NFATC1: variants seen among roughly 807,000 people sequenced by gnomAD.
The protein encoded by NFATC1 is nuclear factor of activated T cells 1, also known as nuclear factor of activated T-cells, cytoplasmic 1.
A neutral mutation model predicts 76.0 loss-of-function variants in NFATC1; 22 were observed. The observed-to-expected ratio is 0.29, with a 90% CI of 0.21 to 0.41. The LOEUF (loss-of-function observed/expected upper bound fraction) is 0.41, where lower values mean the gene tolerates loss of function less well. NFATC1 is among the 10% of genes least tolerant of loss of function. The pLI, the probability that NFATC1 is intolerant of heterozygous loss-of-function variation, is 1.00. For synonymous variants in NFATC1, 704 were observed against 613.1 expected, an observed-to-expected ratio of 1.15 and a Z score of -2.19; for missense variants, 1,357 against 1,337.7, an observed-to-expected ratio of 1.01 and a Z score of -0.23.
chr18:79,414,427 C>G (rs58936612), intron 2 of NFATC1, among the ~76,000 whole-genome samples: 1 of 152,146 alleles, frequency 6.6e-6, no homozygotes, highest in African/African-American at 2.4e-5. Flanking sequence ...TCCCAGGGAC[C>G]GTCTAGGATT....
At chr18:79,403,319 G>T (rs977205237) in intron 1 of NFATC1, among the ~76,000 whole-genome samples, 1 of 152,290 alleles carries the variant, frequency 6.6e-6, no homozygotes, top group African/African-American at 2.4e-5. Context: ...GTAACCATTT[G>T]TTGGGACAAT....
chr18:79,482,898 C>T (rs2089343328), intron 8 of NFATC1, among the ~76,000 whole-genome samples: 1 of 133,376 alleles, frequency 7.5e-6, no homozygotes. Flanking sequence ...CTCATTCCAG[C>T]GTGACCTGGT....
At chr18:79,509,548 C>T (rs1292159340) in intron 9 of NFATC1, among the ~76,000 whole-genome samples, 1 of 152,284 alleles carries the variant, frequency 6.6e-6, no homozygotes, top group Non-Finnish European at 1.5e-5. Flanking sequence ...ATGCAATGCT[C>T]CCCTGCCTAG....
At chr18:79,436,992 C>A (rs1339162060) in intron 3 of NFATC1, among the ~76,000 whole-genome samples, 2 of 152,204 alleles carry the variant, frequency 1.3e-5, no homozygotes, top group Non-Finnish European at 2.9e-5. Flanking sequence ...CCCATTACGG[C>A]TGCCACGGCG....
chr18:79,463,861 A>AGCCGCTGGCCTGCCCT (rs1405108512), intron 7 of NFATC1, among the ~76,000 whole-genome samples: 25 of 152,250 alleles, frequency 1.6e-4, no homozygotes, highest in African/African-American at 5.8e-4. Flanking sequence ...TGGGCTGCCC[A>AGCCGCTGGCCTGCCCT]GCCGCTGGCC....
chr18:79,465,148 C>T lies in NFATC1; in HGVS notation c.1960-2302C>T, dbSNP rs1481466071. Among the ~76,000 whole-genome samples the T allele has an allele frequency of 2.6e-5, 4 of 152,164 alleles. No homozygotes were observed. Among genetic ancestry groups the T allele is most frequent in the Admixed American group, 6.5e-5 (1 of 15,282 alleles). On this transcript the variant is annotated intron_variant, in intron 7 of 9. Transcript: ENST00000427363. This position sits in a 1 kb window ranked among gnomAD's most constrained non-coding sequence, Gnocchi z 4.2. ...TGCCATTTGGAACCCGTATTTTTTCCGGTACAGACGAGTTTCCCTCTCCCT... is the reference window on the plus strand; with the variant it reads ...TGCCATTTGGAACCCGTATTTTTTCTGGTACAGACGAGTTTCCCTCTCCCT...
intron 9 of NFATC1, among the ~76,000 whole-genome samples, chr18:79,489,346 G>C (rs918322572): frequency 2.6e-5 from 4 of 152,230 alleles, no homozygotes; most frequent in African/African-American, 9.6e-5. Flanking sequence ...GCTGAGGCCA[G>C]AGTGCATCTG....
At position 79,420,123 on chromosome 18, in the gene NFATC1, C is replaced by T. The variant is rs565275341; in HGVS notation, c.1226+8622C>T. 9.2e-5 allele frequency among the ~76,000 whole-genome samples: 14 copies of T among 152,288 alleles called. No individual in the cohort carries two copies. In the South Asian group the frequency reaches 2.9e-3, roughly 32 times the overall value. ...TGGCCTGCATGCTGCGTTCCATCAG[C>T]ACTGGGCTGTGCGACAGATGTGTTT... is the stretch of plus-strand genomic sequence containing the variant. On this transcript the variant is annotated intron_variant, in intron 2 of 9. Coordinates refer to ENST00000427363, the MANE Select transcript of NFATC1 (RefSeq NM_001278669.2).
At chr18:79,464,680 G>A (rs1206109636) in intron 7 of NFATC1, among the ~76,000 whole-genome samples, 7,708 of 95,526 alleles carry the variant, frequency 0.081, 613 homozygotes, top group African/African-American at 0.15. Context: ...GTATATGTAT[G>A]TGTATATATA....
chr18:79,400,206 G>A, intron 1 of NFATC1: 1 of 1,184,836 alleles, frequency 8.4e-7, no homozygotes. Flanking sequence ...TTTAAAACTC[G>A]GAAGCCGGCG....
chr18:79,475,813 T>A (rs1209404796), intron 8 of NFATC1, among the ~76,000 whole-genome samples: 1 of 152,210 alleles, frequency 6.6e-6, no homozygotes, highest in Non-Finnish European at 1.5e-5. Context: ...CCAGGCATCC[T>A]AGCCACCCGA....
At chr18:79,402,631 G>C (rs954640916) in intron 1 of NFATC1, among the ~76,000 whole-genome samples, 2 of 152,208 alleles carry the variant, frequency 1.3e-5, no homozygotes. Flanking sequence ...CTCCGAGCAG[G>C]AGAGGCGAGA....
Position 79,425,281 on chromosome 18 carries a change from C to T in NFATC1, c.1227-8298C>T, listed in dbSNP as rs1475416244. Among the ~76,000 whole-genome samples the T allele has an allele frequency of 2.1e-5, 3 of 139,614 alleles. 1 individual carries two copies. The highest frequency in any genetic ancestry group is 2.1e-4 in the South Asian group (1 of 4,688). The allele number at this position is 139,614 out of a possible 152,430, so 91.6% of individuals were successfully genotyped here. ...TCCCTGTCTCTGTCTCTCTCTCTGT[C>T]TGTCTTTCTTTCTTACTCTCTTTCT... On this transcript the variant is annotated intron_variant, in intron 2 of 9. Coordinates refer to ENST00000427363, the MANE Select transcript of NFATC1 (RefSeq NM_001278669.2).
chr18:79,492,928 G>A (rs1355891301), intron 9 of NFATC1, among the ~76,000 whole-genome samples: 9 of 87,356 alleles, frequency 1.0e-4, no homozygotes, highest in African/African-American at 4.2e-4. Flanking sequence ...TTTTTTTTTA[G>A]GATTTCTTTG....
chr18:79,469,784 A>G (rs565962157), intron 8 of NFATC1: 1 of 984,928 alleles, frequency 1.0e-6, no homozygotes, highest in South Asian at 4.7e-5. Flanking sequence ...CTGGGTGACC[A>G]TCCCAGGTCC....
chr18:79,441,873 A>AT (rs2086988892), intron 3 of NFATC1, among the ~76,000 whole-genome samples: 1 of 151,744 alleles, frequency 6.6e-6, no homozygotes, highest in South Asian at 2.1e-4. Flanking sequence ...GCATGGATTA[A>AT]TTGATTAGAT....
chr18:79,525,562 C>T (rs1473570919), intron 9 of NFATC1, among the ~76,000 whole-genome samples: 1 of 152,192 alleles, frequency 6.6e-6, no homozygotes, highest in African/African-American at 2.4e-5. Flanking sequence ...TCAGGCCTCC[C>T]TCCTGTCCCT....
At chr18:79,427,220 G>A (rs912487930) in intron 2 of NFATC1, among the ~76,000 whole-genome samples, 36 of 152,202 alleles carry the variant, frequency 2.4e-4, no homozygotes, top group African/African-American at 8.2e-4. Context: ...CAAGACCCAC[G>A]TCCCATTGTC....
At chr18:79,522,772 G>C (rs981158145) in intron 9 of NFATC1, among the ~76,000 whole-genome samples, 7 of 152,130 alleles carry the variant, frequency 4.6e-5, no homozygotes, top group African/African-American at 1.7e-4. Context: ...GGCTGGGCAG[G>C]GTGGGAACCC....
Sources: allele counts gnomAD v4.1 joint callset (sites outside exome capture counted in the v4.1 genomes callset), GRCh38; gene constraint gnomAD v4.1.1; non-coding constraint Gnocchi (gnomAD v3.1); transcripts MANE v1.5; gene names NCBI Gene and HGNC (gene_info 2026-07-23, HGNC 2026-07-21).